The following MAST2 variants were observed in gnomAD, a reference collection of about 807,000 sequenced individuals.
MAST2 encodes microtubule associated serine/threonine kinase 2, also known as microtubule-associated serine/threonine-protein kinase 2.
Under a neutral mutation model 147.4 loss-of-function variants are expected in MAST2, and 70 were observed. That is an observed-to-expected ratio of 0.47 (90% CI 0.39 to 0.58). MAST2 has a LOEUF of 0.58. Among genes scored for constraint, MAST2 ranks in the 20% least tolerant of loss-of-function variants. The pLI is 0.00. For missense variants in MAST2, 2,080 were observed against 2,302.3 expected, an observed-to-expected ratio of 0.90 and a Z score of 1.98; for synonymous variants, 869 against 896.8, an observed-to-expected ratio of 0.97 and a Z score of 0.55.
intron 3 of MAST2, among the ~76,000 whole-genome samples, chr1:45,880,405 G>GTTTGTTTGGGGA (rs1553220583): frequency 6.6e-6 from 1 of 152,134 alleles, no homozygotes; most frequent in Non-Finnish European, 1.5e-5. Context: ...GAAGATAGTG[G>GTTTGTTTGGGGA]TTTGTTTGGG....
chr1:46,006,517 C>A, intron 8 of MAST2, 122 bp downstream of exon 8: 2 of 809,476 alleles, frequency 2.5e-6, no homozygotes, highest in Non-Finnish European at 3.6e-6. Context: ...GCTTTATAGG[C>A]CATATATCTC....
At chr1:45,992,543 C>T (rs1373599626) in intron 5 of MAST2, among the ~76,000 whole-genome samples, 1 of 151,914 alleles carries the variant, frequency 6.6e-6, no homozygotes, top group African/African-American at 2.4e-5. Context: ...GTAATACTGG[C>T]CCCATGGAAT....
In MAST2 at chr1:45,888,008, C is replaced by A. The variant is rs138916093; in HGVS notation, c.500+5613C>A. 1.1e-3 allele frequency among the ~76,000 whole-genome samples: 161 copies of A among 152,266 alleles called. 1 individual carries two copies. The highest frequency in any genetic ancestry group is 1.5e-3 in the Non-Finnish European group (100 of 68,012). ...GTTAAAAAATGGATGTAGTTGTTGGCGAGCTTTACCTGTGTAGGTGGGATC... is the reference window on the plus strand; with the variant it reads ...GTTAAAAAATGGATGTAGTTGTTGGAGAGCTTTACCTGTGTAGGTGGGATC... On this transcript the variant is annotated intron_variant, in intron 4 of 28. Transcript: ENST00000361297.
intron 4 of MAST2, among the ~76,000 whole-genome samples, chr1:45,928,544 A>G (rs1264976376): frequency 6.6e-6 from 1 of 151,668 alleles, no homozygotes; most frequent in Non-Finnish European, 1.5e-5. Context: ...AAATAAAATA[A>G]TTGGGATGTC....
At position 46,022,018 on chromosome 1, in the gene MAST2, G is replaced by T. The variant is rs1304479557; in HGVS notation, c.1359G>T (p.Gly453=). The change falls in exon 12 of 29, where the codon GGG becomes GGT. Residue 453 remains glycine (G), a synonymous_variant. Coordinates refer to ENST00000361297, the MANE Select transcript of MAST2 (RefSeq NM_015112.3). ...AGGGCCACGCCAAAGAGGGACAAGG[G>T]ATTAAATGTGACATTCCCCGCTACA... ...AAEGHAKEGQ[G]IKCDIPRYIV... The T allele has an allele frequency of 6.2e-7, 1 of 1,614,202 alleles. No homozygotes were observed. Among genetic ancestry groups the T allele is most frequent in the East Asian group, 2.2e-5 (1 of 44,886 alleles).
At chr1:45,865,104 G>T (rs1646101529) in intron 3 of MAST2, 1 of 456,476 alleles carries the variant, frequency 2.2e-6, no homozygotes, top group South Asian at 1.5e-5. Context: ...ATCTATTATG[G>T]ATGATTCCAG....
At chr1:45,885,913 T>A (rs1433905954) in intron 4 of MAST2, among the ~76,000 whole-genome samples, 1 of 152,068 alleles carries the variant, frequency 6.6e-6, no homozygotes, top group Admixed American at 6.6e-5. Context: ...AAGCCAGATA[T>A]CAGAGAGGAG....
At position 45,949,311 on chromosome 1, in the gene MAST2, G is replaced by A. The variant is rs374439470; in HGVS notation, c.501-10075G>A. Among the ~76,000 whole-genome samples, 86 of 152,262 alleles carry A rather than the reference G, an allele frequency of 5.6e-4. 3 individuals carry two copies. In the South Asian group the frequency reaches 0.018, roughly 31 times the overall value. On this transcript the variant is annotated intron_variant, in intron 4 of 28. Transcript: ENST00000361297. ...ACCTACAGAATAGGAAAAAATATTT[G>A]CAATCTGCATCTGACAAAGGTCTAA...
chr1:45,940,827 G>A (rs555009524), intron 4 of MAST2, among the ~76,000 whole-genome samples: 5 of 152,222 alleles, frequency 3.3e-5, no homozygotes, highest in Non-Finnish European at 4.4e-5. Flanking sequence ...CACCGTGTTA[G>A]CCAGGATGGC....
intron 5 of MAST2, among the ~76,000 whole-genome samples, chr1:45,997,518 A>G (rs1439873501): frequency 1.3e-5 from 2 of 152,208 alleles, no homozygotes; most frequent in Non-Finnish European, 2.9e-5. Context: ...TCTGAGAGAC[A>G]TGGGTTGTTA....
chr1:45,901,809 C>T (rs1262568293), intron 4 of MAST2, among the ~76,000 whole-genome samples: 1 of 152,074 alleles, frequency 6.6e-6, no homozygotes, highest in African/African-American at 2.4e-5. Context: ...AGAAATGCAA[C>T]TGATTTGTGC....
chr1:45,903,153 CAG>C (rs1277913221), intron 4 of MAST2, among the ~76,000 whole-genome samples: 1 of 54,200 alleles, frequency 1.8e-5, no homozygotes, highest in Non-Finnish European at 3.3e-5. Flanking sequence ...TTTTTGGAGA[CAG>C]AGTCTCACTC....
chr1:45,857,047 T>C (rs1280271562), intron 3 of MAST2, among the ~76,000 whole-genome samples: 2 of 152,218 alleles, frequency 1.3e-5, no homozygotes, highest in African/African-American at 2.4e-5. Flanking sequence ...AATCCTTCCC[T>C]GTTTTATTTT....
At position 46,032,635 on chromosome 1, in the gene MAST2, C is replaced by T. The variant is rs368622066; in HGVS notation, c.3454C>T (p.Arg1152Cys). The T allele has an allele frequency of 6.8e-6, 11 of 1,614,098 alleles. No homozygotes were observed. In the African/African-American group the frequency reaches 9.3e-5, roughly 14 times the overall value. The change falls in exon 26 of 29, where the codon CGT (arginine) becomes TGT (cysteine). Residue 1152 changes from arginine to cysteine, a missense_variant. By Grantham distance (180) the Arg-to-Cys change is radical. This residue lies in a region of MAST2 where 1,278 missense variants were observed against 1,304.2 expected (regional missense o/e 0.98). Transcript: ENST00000361297. ...DGGPASEAGL[R>C]QGDLITHVNG... ...AGGTCCGGCCAGTGAGGCAGGGCTT[C>T]GTCAAGGTGACCTCATCACCCATGT...
chr1:46,029,989 C>T (rs761824520), intron 20 of MAST2, 36 bp downstream of exon 20: 1 of 1,612,520 alleles, frequency 6.2e-7, no homozygotes, highest in Non-Finnish European at 8.5e-7. Context: ...AGGATGGGTC[C>T]TACCTGTTTG....
At chr1:45,907,754 G>A (rs1281944145) in intron 4 of MAST2, among the ~76,000 whole-genome samples, 1 of 152,042 alleles carries the variant, frequency 6.6e-6, no homozygotes, top group Non-Finnish European at 1.5e-5. Flanking sequence ...GGCAGTCTCT[G>A]TTCTACTTTC....
In MAST2 at chr1:45,818,703, C is replaced by T. The variant is rs79846278; in HGVS notation, c.178-5730C>T. On this transcript the variant is annotated intron_variant, in intron 1 of 28. Coordinates refer to ENST00000361297, the MANE Select transcript of MAST2 (RefSeq NM_015112.3). ...CACTCCTCACCTTCAAGGCTTGCCT[C>T]CTTTGCAAAACTTTTTGAACCACCA... Among the ~76,000 whole-genome samples the T allele has an allele frequency of 5.7e-3, 872 of 152,302 alleles. 34 individuals carry two copies. In the South Asian group the frequency reaches 0.084, roughly 15 times the overall value.
intron 4 of MAST2, among the ~76,000 whole-genome samples, chr1:45,941,646 A>G (rs1478321370): frequency 6.9e-6 from 1 of 145,514 alleles, no homozygotes; most frequent in Non-Finnish European, 1.5e-5. Context: ...CTTATCTTCC[A>G]ATCTTTTTTA....
intron 10 of MAST2, among the ~76,000 whole-genome samples, chr1:46,018,321 C>T (rs1294977826): frequency 6.6e-6 from 1 of 152,218 alleles, no homozygotes; most frequent in African/African-American, 2.4e-5. Context: ...GCCACTCTTA[C>T]TGTTCTCCTG....
Sources: allele counts gnomAD v4.1 joint callset (sites outside exome capture counted in the v4.1 genomes callset), GRCh38; gene constraint gnomAD v4.1.1; regional missense constraint gnomAD v4.1.1; transcripts MANE v1.5; gene names NCBI Gene and HGNC (gene_info 2026-07-23, HGNC 2026-07-21).